The following NAA16 variants were observed in gnomAD, a reference collection of about 807,000 sequenced individuals.
The protein encoded by NAA16 is NARG1-like protein.
NAA16 carries 97 observed loss-of-function variants against 110.3 expected under a neutral mutation model. The observed-to-expected ratio is 0.88, with a 90% CI of 0.75 to 1.04. The LOEUF (loss-of-function observed/expected upper bound fraction) is 1.04, where lower values mean the gene tolerates loss of function less well. Among genes scored for constraint, NAA16 ranks in the 50% least tolerant of loss-of-function variants. The pLI, the probability that NAA16 is intolerant of heterozygous loss-of-function variation, is 0.00. For synonymous variants in NAA16, 372 were observed against 330.6 expected (o/e 1.13, Z -1.36); for missense variants, 1,017 against 1,005.1 (o/e 1.01, Z -0.16).
intron 5 of NAA16, among the ~76,000 whole-genome samples, chr13:41,324,957 GTTTTTTTTTTT>G (rs145690016): frequency 8.4e-6 from 1 of 119,432 alleles, no homozygotes; most frequent in African/African-American, 3.2e-5. Flanking sequence ...TTTTAGTTTA[GTTTTTTTTTTT>G]TTTTTTTGAG....
intron 7 of NAA16, among the ~76,000 whole-genome samples, chr13:41,330,075 A>G (rs1283026321): frequency 2.6e-5 from 4 of 151,978 alleles, no homozygotes; most frequent in African/African-American, 9.7e-5. Context: ...ATTAGGCACG[A>G]ACATGAGAGT....
Position 41,374,782 on chromosome 13 carries a change from G to A in NAA16, c.2340G>A (p.Glu780=), listed in dbSNP as rs1566307450. The change falls in exon 19 of 20, where the codon GAG becomes GAA. Residue 780 remains glutamate (E), a synonymous_variant. Coordinates refer to ENST00000379406, the MANE Select transcript of NAA16 (RefSeq NM_024561.5). The stretch of plus-strand genomic sequence containing the variant: ...ATTTTCTGGACAAGTCAAGGCAGGA[G>A]AAAGCAATTGCTATAGCCACTAGAC... ...MMYFLDKSRQ[E]KAIAIATRLD... The A allele has an allele frequency of 1.2e-6, 2 of 1,612,928 alleles. No individual in the cohort carries two copies. The highest frequency in any genetic ancestry group is 2.7e-5 in the African/African-American group (2 of 74,876).
chr13:41,340,136 A>AT (rs1315982255), intron 9 of NAA16, among the ~76,000 whole-genome samples: 6 of 152,148 alleles, frequency 3.9e-5, no homozygotes, highest in Admixed American at 1.3e-4. Flanking sequence ...ATTATCCATT[A>AT]TATAGGTGTC....
intron 9 of NAA16, among the ~76,000 whole-genome samples, chr13:41,352,425 T>C (rs182369494): frequency 3.3e-5 from 5 of 152,104 alleles, no homozygotes; most frequent in Admixed American, 1.3e-4. Flanking sequence ...GAGGCCTAGG[T>C]GGGCGGGTCA....
intron 13 of NAA16, among the ~76,000 whole-genome samples, chr13:41,366,976 G>A (rs1384463769): frequency 1.3e-5 from 2 of 152,090 alleles, no homozygotes; most frequent in Admixed American, 6.6e-5. Context: ...GCAGGCGGTG[G>A]GTAAGGATTG....
intron 11 of NAA16, 139 bp downstream of exon 11, chr13:41,358,612 A>G (rs1297245454): frequency 6.9e-7 from 1 of 1,454,192 alleles, no homozygotes; most frequent in South Asian, 1.5e-5. Flanking sequence ...TTCATGTTAT[A>G]TTAATTGTAT....
chr13:41,352,122 G>A (rs2042851832), intron 9 of NAA16, among the ~76,000 whole-genome samples: 2 of 152,210 alleles, frequency 1.3e-5, no homozygotes, highest in South Asian at 4.1e-4. Flanking sequence ...TGGGCAGATC[G>A]CTTGCGCTCA....
rs71086562 is a variant in NAA16 at position 41,324,363 on chromosome 13, C to CTTTTT, written c.537+1199_537+1203dup. Among the ~76,000 whole-genome samples, 128 of 66,094 alleles carry CTTTTT rather than the reference C, an allele frequency of 1.9e-3. 2 individuals carry two copies. The highest frequency in any genetic ancestry group is 2.5e-3 in the Non-Finnish European group (94 of 37,360). 43.4% of individuals were successfully genotyped at this position (66,094 alleles called of 152,430 possible). A position where few individuals can be genotyped will look rare whatever the true frequency, so the allele number is the denominator to read the frequency against. On this transcript the variant is annotated intron_variant, in intron 5 of 19. Transcript: ENST00000379406. ...TTAGGTGTTTGCAATTTCTTTCTTT[C>CTTTTT]TTTTTTTTTTTTTTTTTTTTTTTTT...
chr13:41,331,749 TAAC>T (rs1314373952), intron 8 of NAA16, among the ~76,000 whole-genome samples: 1 of 151,956 alleles, frequency 6.6e-6, no homozygotes, highest in African/African-American at 2.4e-5. Context: ...GGACTGTAGT[TAAC>T]AACAATATAC....
chr13:41,328,863 C>G lies in NAA16; in HGVS notation c.811+20C>G, dbSNP rs1593435424. The G allele has an allele frequency of 6.4e-7, 1 of 1,573,044 alleles. No individual in the cohort carries two copies. Among genetic ancestry groups the G allele is most frequent in the East Asian group, 2.3e-5 (1 of 44,336 alleles). On this transcript the variant is annotated intron_variant, in intron 7 of 19. Transcript: ENST00000379406. The stretch of plus-strand genomic sequence containing the variant: ...AAATTAGTATGTAATGATTTTTCTC[C>G]TCTTTCTCATAACTACTGATTGAAG...
intron 12 of NAA16, among the ~76,000 whole-genome samples, chr13:41,359,195 A>G (rs894527283): frequency 6.6e-6 from 1 of 152,212 alleles, no homozygotes; most frequent in African/African-American, 2.4e-5. Context: ...AGCAAGAGCA[A>G]AATATCTTGG....
At chr13:41,342,436 C>T (rs1200715187) in intron 9 of NAA16, among the ~76,000 whole-genome samples, 2 of 152,178 alleles carry the variant, frequency 1.3e-5, no homozygotes, top group Non-Finnish European at 2.9e-5. Flanking sequence ...TCGCGCCTGG[C>T]CCAGACCAAA....
intron 9 of NAA16, among the ~76,000 whole-genome samples, chr13:41,339,129 G>GTTA (rs776936318): frequency 1.3e-5 from 2 of 151,596 alleles, no homozygotes; most frequent in South Asian, 2.1e-4. Flanking sequence ...TTTTGTTGTT[G>GTTA]TTGTTTGTTT....
chr13:41,352,126 G>C (rs1466348380), intron 9 of NAA16, among the ~76,000 whole-genome samples: 2 of 152,186 alleles, frequency 1.3e-5, no homozygotes, highest in Non-Finnish European at 1.5e-5. Context: ...CAGATCGCTT[G>C]CGCTCAGGAG....
At chr13:41,358,213 C>A in intron 10 of NAA16, 91 bp from the exon 11 acceptor site, 1 of 1,074,234 alleles carries the variant, frequency 9.3e-7, no homozygotes, top group Non-Finnish European at 1.3e-6. Flanking sequence ...ATTATTATTG[C>A]AATAGTCATT....
intron 9 of NAA16, among the ~76,000 whole-genome samples, chr13:41,337,855 T>C (rs1057250868): frequency 1.3e-5 from 2 of 152,180 alleles, no homozygotes; most frequent in African/African-American, 4.8e-5. Flanking sequence ...GTTATAGATA[T>C]AGCTGATTGG....
At chr13:41,354,286 T>C (rs1056877706) in intron 9 of NAA16, among the ~76,000 whole-genome samples, 4 of 152,222 alleles carry the variant, frequency 2.6e-5, no homozygotes, top group African/African-American at 7.2e-5. Flanking sequence ...TGTGTCTTTG[T>C]GGCATGAGGA....
intron 9 of NAA16, among the ~76,000 whole-genome samples, chr13:41,341,700 G>A (rs1473249898): frequency 1.1e-4 from 17 of 152,318 alleles, no homozygotes; most frequent in Non-Finnish European, 1.5e-5. Context: ...CTGTGCCACA[G>A]ACTTGAGACC....
intron 9 of NAA16, among the ~76,000 whole-genome samples, chr13:41,337,273 G>A (rs1159557177): frequency 6.6e-6 from 1 of 152,100 alleles, no homozygotes; most frequent in Non-Finnish European, 1.5e-5. Flanking sequence ...GCCAGGTGTG[G>A]TGGCTCATGC....
Sources: gnomAD v4.1 joint callset for allele counts (sites outside exome capture counted in the v4.1 genomes callset) on GRCh38, gnomAD v4.1.1 for gene constraint, MANE v1.5 for transcripts, NCBI Gene and HGNC (gene_info 2026-07-23, HGNC 2026-07-21) for gene names.